FRMPD1: variants seen among roughly 807,000 people sequenced by gnomAD.
The protein encoded by FRMPD1 is FERM and PDZ domain-containing protein 1.
FRMPD1 carries 76 observed loss-of-function variants against 117.8 expected under a neutral mutation model. The observed-to-expected ratio is 0.65, with a 90% CI of 0.54 to 0.78. FRMPD1 has a LOEUF of 0.78. Among genes scored for constraint, FRMPD1 ranks in the 30% least tolerant of loss-of-function variants. The pLI is 0.00. For missense variants in FRMPD1, 1,786 were observed against 1,964.5 expected, an observed-to-expected ratio of 0.91 and a Z score of 1.72; for synonymous variants, 783 against 770.4, an observed-to-expected ratio of 1.02 and a Z score of -0.27.
At chr9:37,636,417 G>C in the FRMPD1 span, among the ~76,000 whole-genome samples, 103 of 152,102 alleles carry the variant, frequency 6.8e-4, no homozygotes, top group Non-Finnish European at 8.8e-5. Context: ...AAGGTGTGTA[G>C]GGGGGGCATC....
intron 1 of FRMPD1, among the ~76,000 whole-genome samples, chr9:37,654,883 G>T (rs923569385): frequency 1.3e-5 from 2 of 152,220 alleles, no homozygotes; most frequent in African/African-American, 2.4e-5. Flanking sequence ...TCACTTGCAG[G>T]ATCAGGCCGA....
chr9:37,693,040 A>T (rs1291797982), intron 2 of FRMPD1: 3 of 441,012 alleles, frequency 6.8e-6, no homozygotes, highest in Non-Finnish European at 1.3e-5. Context: ...ACATACTCAT[A>T]CGCACATGCA....
chr9:37,720,435 C>A (rs148521130), intron 6 of FRMPD1, among the ~76,000 whole-genome samples: 1 of 152,070 alleles, frequency 6.6e-6, no homozygotes, highest in Non-Finnish European at 1.5e-5. Context: ...GAGGCCGAGG[C>A]GGGCAGATCA....
At chr9:37,716,954 A>G (rs1334068429) in intron 5 of FRMPD1, among the ~76,000 whole-genome samples, 1 of 152,166 alleles carries the variant, frequency 6.6e-6, no homozygotes, top group Non-Finnish European at 1.5e-5. Context: ...GGCTTCAACC[A>G]AGGCATTGCT....
At chr9:37,680,791 A>G (rs1188472170) in intron 1 of FRMPD1, among the ~76,000 whole-genome samples, 2 of 152,216 alleles carry the variant, frequency 1.3e-5, no homozygotes, top group Non-Finnish European at 2.9e-5. Flanking sequence ...CAGGTATTCA[A>G]TGCCCTTTTC....
the FRMPD1 span, among the ~76,000 whole-genome samples, chr9:37,617,757 G>A: frequency 6.6e-6 from 1 of 152,114 alleles, no homozygotes; most frequent in Non-Finnish European, 1.5e-5. Flanking sequence ...ACCTCATCTG[G>A]AATTCTTGTG....
Position 37,740,531 on chromosome 9 carries a change from A to C in FRMPD1, c.2003A>C (p.Gln668Pro), listed in dbSNP as rs962861047. ...LLDLAQRANP[Q>P]CQKTEFSESA... ...GACCTGGCCCAGAGAGCCAACCCCC[A>C]GTGCCAGAAGACAGAGTTTTCCGAG... Residue 668 changes from glutamine to proline, a missense_variant, in exon 15 of 16, where the codon CAG becomes CCG. Transcript: ENST00000377765. The surrounding 1 kb of genome is among the most constrained non-coding windows in gnomAD (Gnocchi z 4.2). 2 of 1,614,050 alleles carry C rather than the reference A, an allele frequency of 1.2e-6. No homozygotes were observed. The highest frequency in any genetic ancestry group is 1.7e-6 in the Non-Finnish European group (2 of 1,180,002).
intron 1 of FRMPD1, among the ~76,000 whole-genome samples, chr9:37,687,939 T>A (rs1160155829): frequency 1.3e-5 from 2 of 152,184 alleles, no homozygotes; most frequent in African/African-American, 4.8e-5. Context: ...GACTACTGAG[T>A]ATAACATTCT....
chr9:37,702,995 T>C lies in FRMPD1; in HGVS notation c.102-4421T>C, dbSNP rs2118114830. ...TTGAATACTTAAGAGCCAGGGTTTA[T>C]TGAACTCATACTCTGTTCTAGAACT... On this transcript the variant is annotated intron_variant, in intron 2 of 15. Transcript: ENST00000377765. Among the ~76,000 whole-genome samples, 3 of 152,314 alleles carry C rather than the reference T, an allele frequency of 2.0e-5. No individual in the cohort carries two copies. In the South Asian group the frequency reaches 6.2e-4, roughly 32 times the overall value.
chr9:37,638,009 TTTCTTTCTTTCTTTCTCTCTCTTTC>T, the FRMPD1 span, among the ~76,000 whole-genome samples: 1 of 126,628 alleles, frequency 7.9e-6, no homozygotes, highest in Admixed American at 8.6e-5. Flanking sequence ...TCTTTCTTTC[TTTCTTTCTTTCTTTCTCTCTCTTTC>T]TTCCTTTCTT....
intron 6 of FRMPD1, 43 bp downstream of exon 6, chr9:37,719,219 C>A: frequency 2.4e-6 from 3 of 1,236,874 alleles, no homozygotes; most frequent in Non-Finnish European, 3.6e-6. Context: ...AGCTGGCGAG[C>A]TGCCTTCTGG....
chr9:37,606,185 G>A, the FRMPD1 span, among the ~76,000 whole-genome samples: 3 of 152,166 alleles, frequency 2.0e-5, no homozygotes, highest in African/African-American at 7.2e-5. Context: ...AGTAGAGATG[G>A]TTGGATAAGA....
the FRMPD1 span, among the ~76,000 whole-genome samples, chr9:37,623,831 T>TCTGTCA: frequency 2.6e-5 from 4 of 152,076 alleles, no homozygotes; most frequent in African/African-American, 9.7e-5. Context: ...CAAGGTAGGA[T>TCTGTCA]TATGACAGAT....
intron 1 of FRMPD1, among the ~76,000 whole-genome samples, chr9:37,690,219 C>T (rs910745457): frequency 2.6e-5 from 4 of 151,956 alleles, no homozygotes; most frequent in Non-Finnish European, 5.9e-5. Flanking sequence ...TTCCTACAGT[C>T]TTTCATTGAC....
At chr9:37,741,513 T>C (rs1386652850) in intron 15 of FRMPD1, among the ~76,000 whole-genome samples, 1 of 150,448 alleles carries the variant, frequency 6.6e-6, no homozygotes, top group Non-Finnish European at 1.5e-5. Flanking sequence ...AGGAAACATA[T>C]TGGAAAAGAG....
At chr9:37,650,333 G>A (rs1038550004), upstream of FRMPD1, among the ~76,000 whole-genome samples, 11 of 152,172 alleles carry the variant, frequency 7.2e-5, no homozygotes, top group African/African-American at 2.7e-4. Flanking sequence ...GCATTTTAGA[G>A]CTTCTGGTTT....
intron 2 of FRMPD1, among the ~76,000 whole-genome samples, chr9:37,706,798 A>G (rs1388043810): frequency 1.3e-5 from 2 of 152,224 alleles, no homozygotes; most frequent in African/African-American, 4.8e-5. Flanking sequence ...ATCTTGCTAT[A>G]AAATTATCCG....
rs1440263518 is a variant in FRMPD1 at position 37,699,319 on chromosome 9, CTCTT to C, written c.101+6579_101+6582del. ...GATTTACTGAATTCTCTCTGTCTCT[CTCTT>C]TTTTTTTTTTTTTTGAGATAGGGTC... On this transcript the variant is annotated intron_variant, in intron 2 of 15. Transcript: ENST00000377765. Among the ~76,000 whole-genome samples the C allele has an allele frequency of 2.6e-3, 349 of 133,388 alleles. 1 individual carries two copies. Among genetic ancestry groups the C allele is most frequent in the Middle Eastern group, 7.6e-3 (2 of 262 alleles). 87.5% of individuals were successfully genotyped at this position (133,388 alleles called of 152,430 possible). A position where few individuals can be genotyped will look rare whatever the true frequency, so the allele number is the denominator to read the frequency against.
chr9:37,632,554 T>A, the FRMPD1 span, among the ~76,000 whole-genome samples: 1 of 152,184 alleles, frequency 6.6e-6, no homozygotes, highest in Non-Finnish European at 1.5e-5. Context: ...GCAGGCTCTC[T>A]CTCCACAAAG....
Sources: gnomAD v4.1 joint callset for allele counts (sites outside exome capture counted in the v4.1 genomes callset) on GRCh38, gnomAD v4.1.1 for gene constraint, Gnocchi (gnomAD v3.1) non-coding constraint, MANE v1.5 for transcripts, NCBI Gene and HGNC (gene_info 2026-07-23, HGNC 2026-07-21) for gene names.